DTWD2: variants seen among roughly 807,000 people sequenced by gnomAD.
DTWD2 encodes DTW motif tRNA-uridine aminocarboxypropyltransferase 2.
A neutral mutation model predicts 31.8 loss-of-function variants in DTWD2; 39 were observed. The ratio of observed to expected loss-of-function variants is 1.22; its 90% CI spans 0.95 to 1.60. The LOEUF is 1.60. Ranked by LOEUF, DTWD2 falls within the 40% of genes most tolerant of loss-of-function variation. The pLI is 0.00. For missense variants in DTWD2, 515 were observed against 381.5 expected (o/e 1.35, Z -2.92); for synonymous variants, 180 against 142.8 (o/e 1.26, Z -1.86).
chr5:118,965,910 G>A (rs949971988), intron 1 of DTWD2, among the ~76,000 whole-genome samples: 2 of 148,744 alleles, frequency 1.3e-5, no homozygotes, highest in Non-Finnish European at 3.0e-5. Context: ...CCCCCTCTGC[G>A]AGAAACACCC....
At chr5:118,932,118 GA>G (rs1361459792) in intron 3 of DTWD2, among the ~76,000 whole-genome samples, 1 of 151,914 alleles carries the variant, frequency 6.6e-6, no homozygotes, top group Non-Finnish European at 1.5e-5. Context: ...TGCACATTAA[GA>G]AAAAGGAAAG....
At chr5:118,919,739 GT>G (rs1002971098) in intron 4 of DTWD2, among the ~76,000 whole-genome samples, 9 of 152,154 alleles carry the variant, frequency 5.9e-5, no homozygotes, top group African/African-American at 1.9e-4. Flanking sequence ...ACATTATGAT[GT>G]TTATCATTCC....
chr5:118,907,715 G>A (rs544872162), intron 4 of DTWD2, among the ~76,000 whole-genome samples: 5 of 149,662 alleles, frequency 3.3e-5, no homozygotes, highest in African/African-American at 7.4e-5. Flanking sequence ...GGGTGACAGC[G>A]AGACTCCATA....
intron 4 of DTWD2, among the ~76,000 whole-genome samples, chr5:118,897,286 T>C (rs1008207478): frequency 3.3e-5 from 5 of 152,220 alleles, no homozygotes; most frequent in African/African-American, 9.6e-5. Context: ...AATCTTCCAG[T>C]ACTGAATTGT....
chr5:118,906,421 A>G (rs1753333875), intron 4 of DTWD2, among the ~76,000 whole-genome samples: 1 of 152,202 alleles, frequency 6.6e-6, no homozygotes, highest in Non-Finnish European at 1.5e-5. Context: ...TTTCATTTGT[A>G]ACAGCCAAAA....
Position 118,840,422 on chromosome 5 carries a change from T to C in DTWD2, c.*495A>G, listed in dbSNP as rs1751683608. 6.6e-6 allele frequency: 1 copy of C among 152,234 alleles called. No homozygotes were observed. Among genetic ancestry groups the C allele is most frequent in the East Asian group, 1.9e-4 (1 of 5,206 alleles). 9.4% of individuals were successfully genotyped at this position (152,234 alleles called of 1,614,324 possible). ...CTAAACAATACTTAAAATTTCCTTA[T>C]TCCTTTATACTATTTTACAAAATAA... On this transcript the variant is annotated 3_prime_UTR_variant, in exon 6 of 6. Transcript: ENST00000510708.
At chr5:118,984,383 C>T (rs1045213057) in intron 1 of DTWD2, among the ~76,000 whole-genome samples, 1 of 151,402 alleles carries the variant, frequency 6.6e-6, no homozygotes, top group Non-Finnish European at 1.5e-5. Context: ...ATGGTTTGAA[C>T]CTGGGAGGCA....
intron 4 of DTWD2, among the ~76,000 whole-genome samples, chr5:118,876,915 A>G (rs1474502185): frequency 1.3e-5 from 2 of 152,216 alleles, no homozygotes; most frequent in African/African-American, 4.8e-5. Flanking sequence ...CCTGGCAGAG[A>G]CACAATAAAA....
chr5:118,846,729 G>A (rs574007747), intron 5 of DTWD2, among the ~76,000 whole-genome samples: 47 of 152,146 alleles, frequency 3.1e-4, no homozygotes, highest in African/African-American at 1.1e-3. Flanking sequence ...GACACATATG[G>A]GGTATATAAA....
chr5:118,852,743 T>C lies in DTWD2; in HGVS notation c.598-4525A>G, dbSNP rs569701441. Among the ~76,000 whole-genome samples the C allele has an allele frequency of 5.9e-5, 9 of 152,236 alleles. No individual in the cohort carries two copies. The South Asian group carries it at 1.9e-3, about 32-fold the overall frequency. On this transcript the variant is annotated intron_variant, in intron 4 of 5. Transcript: ENST00000510708. ...ATATATATATATATATCTAAAGGAA[T>C]ATAAATTGTTCTATCATAATGACAC... is the stretch of plus-strand genomic sequence containing the variant.
chr5:118,913,422 T>TATATATAG (rs1272183933), intron 4 of DTWD2, among the ~76,000 whole-genome samples: 3 of 127,762 alleles, frequency 2.3e-5, no homozygotes, highest in African/African-American at 9.0e-5. Context: ...TATATATAGA[T>TATATATAG]ATATATATAT....
At chr5:118,869,817 T>G (rs1194509929) in intron 4 of DTWD2, among the ~76,000 whole-genome samples, 1 of 152,200 alleles carries the variant, frequency 6.6e-6, no homozygotes, top group Non-Finnish European at 1.5e-5. Context: ...TGGATGTGTG[T>G]CTCTCCAAAT....
chr5:118,934,000 C>T (rs1753981307), intron 3 of DTWD2, among the ~76,000 whole-genome samples: 2 of 150,428 alleles, frequency 1.3e-5, no homozygotes, highest in Admixed American at 1.3e-4. Flanking sequence ...CAATTGCTTT[C>T]CCACATACTA....
intron 4 of DTWD2, among the ~76,000 whole-genome samples, chr5:118,906,355 A>AC (rs1327924588): frequency 6.6e-6 from 1 of 152,204 alleles, no homozygotes; most frequent in African/African-American, 2.4e-5. Flanking sequence ...GTAGTTATCC[A>AC]TAAAAAAAGA....
At chr5:118,876,241 C>T (rs1290804642) in intron 4 of DTWD2, among the ~76,000 whole-genome samples, 1 of 152,148 alleles carries the variant, frequency 6.6e-6, no homozygotes, top group African/African-American at 2.4e-5. Flanking sequence ...TAAATGCCCA[C>T]ATCAAAAAGT....
chr5:118,970,546 A>C (rs1190418231), intron 1 of DTWD2, among the ~76,000 whole-genome samples: 2 of 152,224 alleles, frequency 1.3e-5, no homozygotes, highest in African/African-American at 2.4e-5. Context: ...GAAAATTGGA[A>C]ACAAGTGGGA....
chr5:118,855,799 G>T (rs1409465823), intron 4 of DTWD2, among the ~76,000 whole-genome samples: 10 of 152,094 alleles, frequency 6.6e-5, no homozygotes, highest in Admixed American at 6.5e-4. Context: ...ACAAGATTTA[G>T]AAATGCATAA....
intron 5 of DTWD2, among the ~76,000 whole-genome samples, chr5:118,844,977 T>C (rs534058150): frequency 6.6e-6 from 1 of 151,960 alleles, no homozygotes; most frequent in African/African-American, 2.4e-5. Context: ...GCCTCTCCCA[T>C]CTCTACAAAA....
chr5:118,843,605 C>A (rs1390373144), intron 5 of DTWD2, among the ~76,000 whole-genome samples: 2 of 152,120 alleles, frequency 1.3e-5, no homozygotes, highest in Non-Finnish European at 2.9e-5. Flanking sequence ...ACATACAGAC[C>A]AAGACAACTG....
Sources: allele counts gnomAD v4.1 joint callset (sites outside exome capture counted in the v4.1 genomes callset), GRCh38; gene constraint gnomAD v4.1.1; transcripts MANE v1.5; gene names NCBI Gene and HGNC (gene_info 2026-07-23, HGNC 2026-07-21).